Variants in FRYL observed in about 807,000 individuals in gnomAD.
FRYL encodes the protein FRY like transcription coactivator.
In FRYL, 150 loss-of-function variants were observed where a neutral mutation model predicts 351.2. That is an observed-to-expected ratio of 0.43 (90% CI 0.37 to 0.49). The LOEUF (loss-of-function observed/expected upper bound fraction) is 0.49, where lower values mean the gene tolerates loss of function less well. Ranked by LOEUF, FRYL falls within the 20% of genes least tolerant of loss-of-function variation. The pLI is 0.00. For missense variants in FRYL, 3,036 were observed against 3,619.3 expected, an observed-to-expected ratio of 0.84 and a Z score of 4.13; for synonymous variants, 1,153 against 1,257.1, an observed-to-expected ratio of 0.92 and a Z score of 1.75.
At chr4:48,537,355 A>T (rs564399543) in intron 47 of FRYL, among the ~76,000 whole-genome samples, 1 of 152,330 alleles carries the variant, frequency 6.6e-6, no homozygotes, top group Non-Finnish European at 1.5e-5. Context: ...TTAAAATACG[A>T]TCCAAAAAGA....
intron 1 of FRYL, among the ~76,000 whole-genome samples, chr4:48,773,046 A>T (rs1409107254): frequency 6.6e-6 from 1 of 152,224 alleles, no homozygotes; most frequent in African/African-American, 2.4e-5. Context: ...CACTCAAAAT[A>T]GTCTTAAAAA....
At chr4:48,606,931 C>T (rs540720067) in intron 9 of FRYL, among the ~76,000 whole-genome samples, 9 of 152,268 alleles carry the variant, frequency 5.9e-5, no homozygotes, top group African/African-American at 2.2e-4. Flanking sequence ...CAAAACGCCA[C>T]CATGTAAATC....
intron 1 of FRYL, among the ~76,000 whole-genome samples, chr4:48,712,437 C>T (rs1286504975): frequency 6.6e-6 from 1 of 152,050 alleles, no homozygotes; most frequent in Non-Finnish European, 1.5e-5. Context: ...GCCTCAAGAG[C>T]CGATGCGATC....
chr4:48,601,689 G>GT (rs1297242733), intron 13 of FRYL, among the ~76,000 whole-genome samples: 1 of 152,088 alleles, frequency 6.6e-6, no homozygotes, highest in Non-Finnish European at 1.5e-5. Context: ...GACAAAATAA[G>GT]TATCTAGAAG....
At chr4:48,581,367 G>A (rs939599639) in intron 21 of FRYL, 53 bp downstream of exon 21, 20 of 1,482,556 alleles carry the variant, frequency 1.3e-5, no homozygotes, top group Admixed American at 1.9e-5. Context: ...TGGACAAAGA[G>A]ATGGTTTTTA....
At chr4:48,695,664 G>A (rs1338942217) in intron 2 of FRYL, among the ~76,000 whole-genome samples, 1 of 152,028 alleles carries the variant, frequency 6.6e-6, no homozygotes, top group Non-Finnish European at 1.5e-5. Flanking sequence ...TGCAACAAAA[G>A]CAAAAATTGA....
At chr4:48,724,451 C>A (rs575936050) in intron 1 of FRYL, among the ~76,000 whole-genome samples, 5 of 152,270 alleles carry the variant, frequency 3.3e-5, no homozygotes, top group Middle Eastern at 3.4e-3. Flanking sequence ...TTCCCACATA[C>A]CCTATCTAAA....
At chr4:48,517,441 G>C (rs569367371) in intron 55 of FRYL, among the ~76,000 whole-genome samples, 1 of 152,274 alleles carries the variant, frequency 6.6e-6, no homozygotes, top group South Asian at 2.1e-4. Context: ...ATATCACGAA[G>C]AAAGTGCTTT....
chr4:48,574,613 T>TA lies in FRYL; in HGVS notation c.2846+503dup, dbSNP rs1442749438. 6 of 152,170 alleles carry TA rather than the reference T, an allele frequency of 3.9e-5. No individual in the cohort carries two copies. In the East Asian group the frequency reaches 1.2e-3, roughly 29 times the overall value. 9.4% of individuals were successfully genotyped at this position (152,170 alleles called of 1,614,324 possible). On this transcript the variant is annotated intron_variant, in intron 25 of 63. Transcript: ENST00000358350. ...TTAATTGAGGAAATTCTCAAAAGAA[T>TA]AAATTCTGTGCCCAGGAGACAAGGC...
At chr4:48,766,477 G>GCCTGATGCCTACT (rs1774962036) in intron 1 of FRYL, among the ~76,000 whole-genome samples, 4 of 152,178 alleles carry the variant, frequency 2.6e-5, no homozygotes, top group Admixed American at 1.3e-4. Flanking sequence ...AGGCCCTTGT[G>GCCTGATGCCTACT]CAGGGATGTG....
chr4:48,567,260 GAAT>G lies in FRYL; in HGVS notation c.3154_3156del (p.Ile1052del). On this transcript the variant is annotated inframe_deletion, in exon 28 of 64. Coordinates refer to ENST00000358350, the MANE Select transcript of FRYL (RefSeq NM_015030.2). This position sits in a 1 kb window ranked among gnomAD's most constrained non-coding sequence, Gnocchi z 4.2. ...CTGAAAATAATACCTGGAACATTCT[GAAT>G]AATATTCGCCACTAAGGCACTAAAA... 1.2e-6 allele frequency: 2 copies of G among 1,608,314 alleles called. No homozygotes were observed. Among genetic ancestry groups the G allele is most frequent in the Non-Finnish European group, 1.7e-6 (2 of 1,178,036 alleles).
rs538773890 is a variant in FRYL at position 48,715,259 on chromosome 4, G to T, written c.-383-4561C>A. Among the ~76,000 whole-genome samples, 218 of 151,816 alleles carry T rather than the reference G, an allele frequency of 1.4e-3. 5 individuals carry two copies. The South Asian group carries it at 0.043, about 30-fold the overall frequency. On this transcript the variant is annotated intron_variant, in intron 1 of 63. Transcript: ENST00000358350. ...ACCACTCCTATTCAACATAGTGTTGGAAGTTCTGGCCAGGGCAATCAGGCA... is the reference window on the plus strand; with the variant it reads ...ACCACTCCTATTCAACATAGTGTTGTAAGTTCTGGCCAGGGCAATCAGGCA...
chr4:48,541,410 G>T (rs759411337), intron 45 of FRYL, among the ~76,000 whole-genome samples: 1 of 152,088 alleles, frequency 6.6e-6, no homozygotes. Context: ...AGAAAATATT[G>T]ACTGAATGCT....
chr4:48,704,833 C>A (rs1165895941), intron 2 of FRYL, among the ~76,000 whole-genome samples: 8 of 151,948 alleles, frequency 5.3e-5, no homozygotes, highest in Non-Finnish European at 8.8e-5. Flanking sequence ...CCTGTAATCC[C>A]AGCTACTCAG....
intron 50 of FRYL, among the ~76,000 whole-genome samples, chr4:48,530,564 C>T (rs530827103): frequency 5.9e-5 from 9 of 152,048 alleles, no homozygotes; most frequent in Non-Finnish European, 1.0e-4. Flanking sequence ...TGCAAGATCC[C>T]CATGATCTTG....
intron 7 of FRYL, among the ~76,000 whole-genome samples, chr4:48,611,284 C>T (rs1042256035): frequency 6.6e-6 from 1 of 151,702 alleles, no homozygotes; most frequent in Non-Finnish European, 1.5e-5. Flanking sequence ...ACTGTATTTC[C>T]TATTATTTTT....
chr4:48,650,942 G>A (rs1335425589), intron 3 of FRYL, among the ~76,000 whole-genome samples: 1 of 152,110 alleles, frequency 6.6e-6, no homozygotes, highest in Admixed American at 6.6e-5. Flanking sequence ...TGAAAGAGGC[G>A]TGGTAACCAA....
At chr4:48,578,769 G>C (rs1363828927) in intron 23 of FRYL, among the ~76,000 whole-genome samples, 8 of 152,062 alleles carry the variant, frequency 5.3e-5, no homozygotes, top group African/African-American at 1.9e-4. Flanking sequence ...TTAAAATTTG[G>C]TGAGACTGTA....
intron 3 of FRYL, among the ~76,000 whole-genome samples, chr4:48,650,545 T>G (rs554011409): frequency 6.6e-6 from 1 of 152,236 alleles, no homozygotes; most frequent in South Asian, 2.1e-4. Flanking sequence ...TAAAAATCAT[T>G]GCGATGCAGG....
Sources: allele counts gnomAD v4.1 joint callset (sites outside exome capture counted in the v4.1 genomes callset), GRCh38; gene constraint gnomAD v4.1.1; non-coding constraint Gnocchi (gnomAD v3.1); transcripts MANE v1.5; gene names NCBI Gene and HGNC (gene_info 2026-07-23, HGNC 2026-07-21).